The following TMEM131 variants were observed in gnomAD, a reference collection of about 807,000 sequenced individuals.
TMEM131 encodes transmembrane protein 131, also known as 2610524E03Rik.
TMEM131 carries 66 observed loss-of-function variants against 211.6 expected under a neutral mutation model. The ratio of observed to expected loss-of-function variants is 0.31; its 90% CI spans 0.26 to 0.38. The LOEUF (loss-of-function observed/expected upper bound fraction) is 0.38, where lower values mean the gene tolerates loss of function less well. Ranked by LOEUF, TMEM131 falls within the 10% of genes least tolerant of loss-of-function variation. TMEM131 has a pLI of 1.00. For missense variants in TMEM131, 2,036 were observed against 2,299.3 expected, an observed-to-expected ratio of 0.89 and a Z score of 2.34; for synonymous variants, 844 against 841.3, an observed-to-expected ratio of 1.00 and a Z score of -0.06.
intron 1 of TMEM131, among the ~76,000 whole-genome samples, chr2:97,940,488 T>C (rs532612564): frequency 3.3e-4 from 50 of 152,242 alleles, no homozygotes; most frequent in African/African-American, 1.2e-3. Flanking sequence ...CAAGGAGAAC[T>C]ACAAACCACT....
intron 2 of TMEM131, among the ~76,000 whole-genome samples, chr2:97,913,816 C>G (rs1676391308): frequency 6.6e-6 from 1 of 152,188 alleles, no homozygotes; most frequent in African/African-American, 2.4e-5. Context: ...CACATGCACA[C>G]AAACCCGTGG....
chr2:97,790,653 G>A (rs1680459735), intron 31 of TMEM131, among the ~76,000 whole-genome samples: 1 of 152,234 alleles, frequency 6.6e-6, no homozygotes, highest in South Asian at 2.1e-4. Context: ...TTTGTGATAA[G>A]AAAGGATAAT....
intron 1 of TMEM131, among the ~76,000 whole-genome samples, chr2:97,940,487 C>A (rs189982681): frequency 1.4e-4 from 22 of 152,274 alleles, no homozygotes; most frequent in Admixed American, 1.4e-3. Flanking sequence ...TCAAGGAGAA[C>A]TACAAACCAC....
intron 4 of TMEM131, among the ~76,000 whole-genome samples, chr2:97,879,739 A>AT (rs894936179): frequency 6.0e-5 from 9 of 151,158 alleles, no homozygotes; most frequent in Admixed American, 2.0e-4. Context: ...TCTTCTTAAC[A>AT]TTTTTTTTTA....
intron 33 of TMEM131, among the ~76,000 whole-genome samples, chr2:97,771,309 TA>T (rs1376429864): frequency 2.0e-5 from 3 of 152,338 alleles, no homozygotes; most frequent in Non-Finnish European, 4.4e-5. Context: ...CAGTTATCAC[TA>T]ATTTCTTACT....
At chr2:97,988,460 T>C (rs534913059) in intron 1 of TMEM131, among the ~76,000 whole-genome samples, 55 of 152,288 alleles carry the variant, frequency 3.6e-4, no homozygotes, top group African/African-American at 1.3e-3. Context: ...AAAACTTTTG[T>C]TCAAAGAATA....
intron 1 of TMEM131, among the ~76,000 whole-genome samples, chr2:97,994,109 C>T (rs1474475374): frequency 6.6e-6 from 1 of 152,210 alleles, no homozygotes; most frequent in Non-Finnish European, 1.5e-5. Flanking sequence ...CATTAAATTA[C>T]TGCACTATTT....
chr2:97,851,589 T>C (rs191807425), intron 5 of TMEM131, among the ~76,000 whole-genome samples: 279 of 152,360 alleles, frequency 1.8e-3, no homozygotes, highest in Middle Eastern at 3.4e-3. Context: ...CACCATGTAC[T>C]CACTTTCTAT....
intron 35 of TMEM131, chr2:97,762,587 C>T (rs577809414): frequency 2.7e-4 from 53 of 194,748 alleles, no homozygotes; most frequent in South Asian, 2.3e-3. Flanking sequence ...TGCAGTGTTC[C>T]GGGCTGAATC....
At chr2:97,903,163 A>G (rs1675928287) in intron 3 of TMEM131, among the ~76,000 whole-genome samples, 1 of 152,178 alleles carries the variant, frequency 6.6e-6, no homozygotes, top group South Asian at 2.1e-4. Context: ...AGGTTGTTCC[A>G]GGGCTGTGGC....
chr2:97,876,504 G>T (rs777537728), intron 4 of TMEM131, among the ~76,000 whole-genome samples: 2 of 152,086 alleles, frequency 1.3e-5, no homozygotes, highest in African/African-American at 4.8e-5. Flanking sequence ...TATCCACCAC[G>T]ATCAAGTTGT....
intron 31 of TMEM131, among the ~76,000 whole-genome samples, chr2:97,778,335 G>T (rs1020672587): frequency 6.6e-6 from 1 of 152,212 alleles, no homozygotes; most frequent in Non-Finnish European, 1.5e-5. Flanking sequence ...CGGATCACTT[G>T]AGGTCAGGAG....
intron 1 of TMEM131, among the ~76,000 whole-genome samples, chr2:97,972,453 G>GGGC (rs1372510869): frequency 2.7e-5 from 4 of 145,854 alleles, no homozygotes; most frequent in Non-Finnish European, 6.1e-5. Context: ...GAGGGAGGGA[G>GGGC]GGGAGGGAGG....
chr2:97,828,507 A>G (rs1410536567), intron 11 of TMEM131, among the ~76,000 whole-genome samples: 1 of 152,216 alleles, frequency 6.6e-6, no homozygotes, highest in Non-Finnish European at 1.5e-5. Context: ...GAACCAGAAT[A>G]GCAGGTTTAT....
intron 8 of TMEM131, among the ~76,000 whole-genome samples, chr2:97,835,324 G>A (rs1682890256): frequency 6.6e-6 from 1 of 152,170 alleles, no homozygotes; most frequent in Non-Finnish European, 1.5e-5. Context: ...ACCATCAGAG[G>A]TAAATACTTT....
At chr2:97,815,363 G>T in intron 12 of TMEM131, 56 bp from the exon 13 acceptor site, 1 of 1,061,336 alleles carries the variant, frequency 9.4e-7, no homozygotes, top group Non-Finnish European at 1.3e-6. Context: ...AAGAGAATTA[G>T]TGAATTTATG....
chr2:97,880,896 A>C (rs984156883), intron 4 of TMEM131, among the ~76,000 whole-genome samples: 2 of 152,180 alleles, frequency 1.3e-5, no homozygotes, highest in South Asian at 4.1e-4. Context: ...CACAGGAGGA[A>C]AACATGGACA....
At chr2:97,837,299 T>A in intron 7 of TMEM131, 142 bp from the exon 8 acceptor site, 3 of 576,148 alleles carry the variant, frequency 5.2e-6, no homozygotes, top group Non-Finnish European at 9.1e-6. Context: ...ATGTATAATA[T>A]CACTAAATTC....
At chr2:97,852,202 C>T (rs1204653728) in intron 5 of TMEM131, among the ~76,000 whole-genome samples, 2 of 149,818 alleles carry the variant, frequency 1.3e-5, no homozygotes, top group African/African-American at 2.5e-5. Flanking sequence ...TCGCTTGATG[C>T]CCAGGCTGGA....
Sources: gnomAD v4.1 joint callset for allele counts (sites outside exome capture counted in the v4.1 genomes callset) on GRCh38, gnomAD v4.1.1 for gene constraint, MANE v1.5 for transcripts, NCBI Gene and HGNC (gene_info 2026-07-23, HGNC 2026-07-21) for gene names.